TWSG1: variants seen among roughly 807,000 people sequenced by gnomAD.
TWSG1 encodes twisted gastrulation protein homolog 1.
A neutral mutation model predicts 23.0 loss-of-function variants in TWSG1; 15 were observed. That is an observed-to-expected ratio of 0.65 (90% CI 0.44 to 1.00). The LOEUF (loss-of-function observed/expected upper bound fraction) is 1.00, where lower values mean the gene tolerates loss of function less well. Among genes scored for constraint, TWSG1 ranks in the 50% least tolerant of loss-of-function variants. TWSG1 has a pLI of 0.00. For missense variants in TWSG1, 242 were observed against 278.7 expected, an observed-to-expected ratio of 0.87 and a Z score of 0.94; for synonymous variants, 86 against 92.8, an observed-to-expected ratio of 0.93 and a Z score of 0.42.
intron 3 of TWSG1, among the ~76,000 whole-genome samples, chr18:9,389,484 T>C (rs2040701301): frequency 2.0e-5 from 3 of 152,238 alleles, no homozygotes; most frequent in Admixed American, 2.0e-4. Context: ...GTCATTTGAC[T>C]TATCTGCACC....
intron 2 of TWSG1, among the ~76,000 whole-genome samples, chr18:9,340,708 G>T (rs969970492): frequency 3.3e-5 from 5 of 152,144 alleles, no homozygotes; most frequent in African/African-American, 1.2e-4. Context: ...AAGGTGGTGG[G>T]GGTGGAATTA....
At chr18:9,389,946 T>C (rs752641691) in intron 3 of TWSG1, among the ~76,000 whole-genome samples, 2 of 152,250 alleles carry the variant, frequency 1.3e-5, no homozygotes, top group Non-Finnish European at 2.9e-5. Context: ...TTTTACACTA[T>C]AGTGTAGTTT....
At chr18:9,388,592 T>C (rs1170846384) in intron 3 of TWSG1, among the ~76,000 whole-genome samples, 1 of 152,218 alleles carries the variant, frequency 6.6e-6, no homozygotes, top group Non-Finnish European at 1.5e-5. Context: ...GGACATCAGG[T>C]TTACTAGTTT....
intron 3 of TWSG1, among the ~76,000 whole-genome samples, chr18:9,392,538 A>G (rs1403704249): frequency 1.3e-5 from 2 of 152,216 alleles, no homozygotes; most frequent in Non-Finnish European, 2.9e-5. Context: ...CCATATCAGC[A>G]ATAAGGCTGT....
chr18:9,371,574 C>T (rs866272496), intron 3 of TWSG1, among the ~76,000 whole-genome samples: 13 of 152,080 alleles, frequency 8.5e-5, no homozygotes, highest in Middle Eastern at 3.4e-3. Flanking sequence ...GGATTACAGG[C>T]GTGAGCCACT....
chr18:9,354,975 A>G (rs1037074811), intron 2 of TWSG1, among the ~76,000 whole-genome samples: 1 of 149,848 alleles, frequency 6.7e-6, no homozygotes, highest in African/African-American at 2.5e-5. Flanking sequence ...TTTTTTTTTG[A>G]GACAGAGTCT....
chr18:9,365,170 T>A (rs1031494333), intron 3 of TWSG1, among the ~76,000 whole-genome samples: 1 of 151,200 alleles, frequency 6.6e-6, no homozygotes, highest in African/African-American at 2.4e-5. Flanking sequence ...AAAATAAAAA[T>A]TAATTAGTTG....
At chr18:9,381,048 G>A (rs2040653484) in intron 3 of TWSG1, among the ~76,000 whole-genome samples, 1 of 152,108 alleles carries the variant, frequency 6.6e-6, no homozygotes, top group South Asian at 2.1e-4. Flanking sequence ...TGTTGATTTG[G>A]TTCTTTTAAA....
intron 3 of TWSG1, among the ~76,000 whole-genome samples, chr18:9,364,690 A>T (rs190714189): frequency 3.9e-5 from 6 of 152,194 alleles, no homozygotes; most frequent in African/African-American, 1.4e-4. Context: ...GCGACAAGGG[A>T]GGCTGAGGCA....
At chr18:9,379,071 G>A (rs1598831544) in intron 3 of TWSG1, among the ~76,000 whole-genome samples, 1 of 152,316 alleles carries the variant, frequency 6.6e-6, no homozygotes, top group African/African-American at 2.4e-5. Context: ...CATACTGCTG[G>A]TGGGAGTGTA....
chr18:9,375,511 A>G (rs2145620391), intron 3 of TWSG1, among the ~76,000 whole-genome samples: 1 of 152,352 alleles, frequency 6.6e-6, no homozygotes, highest in Non-Finnish European at 1.5e-5. Context: ...AGGAAAGGAA[A>G]TAAAAGGTGT....
intron 2 of TWSG1, among the ~76,000 whole-genome samples, chr18:9,342,985 A>T (rs953527565): frequency 6.6e-6 from 1 of 152,088 alleles, no homozygotes; most frequent in Non-Finnish European, 1.5e-5. Flanking sequence ...ATAGCATTCC[A>T]TATTGCCAAT....
At chr18:9,397,792 G>A (rs1281100938) in intron 4 of TWSG1, among the ~76,000 whole-genome samples, 1 of 152,102 alleles carries the variant, frequency 6.6e-6, no homozygotes, top group Non-Finnish European at 1.5e-5. Context: ...CATCACCTGA[G>A]GTCGGGAGTT....
intron 3 of TWSG1, 79 bp downstream of exon 3, chr18:9,360,150 A>G: frequency 1.8e-6 from 2 of 1,095,654 alleles, no homozygotes; most frequent in South Asian, 2.7e-5. Flanking sequence ...AGGAATATAA[A>G]TGTAGTTTAT....
chr18:9,364,153 T>C (rs1424429782), intron 3 of TWSG1, among the ~76,000 whole-genome samples: 1 of 152,232 alleles, frequency 6.6e-6, no homozygotes, highest in African/African-American at 2.4e-5. Flanking sequence ...AATAAACTAG[T>C]CAGTCATGAT....
intron 2 of TWSG1, among the ~76,000 whole-genome samples, chr18:9,351,607 A>G (rs566754329): frequency 6.8e-6 from 1 of 146,522 alleles, no homozygotes; most frequent in African/African-American, 2.5e-5. Flanking sequence ...AAGAAACCCC[A>G]GTGTACCATG....
At chr18:9,378,786 C>T (rs2040642742) in intron 3 of TWSG1, among the ~76,000 whole-genome samples, 1 of 150,698 alleles carries the variant, frequency 6.6e-6, no homozygotes, top group Non-Finnish European at 1.5e-5. Flanking sequence ...GCCTGGGCAA[C>T]TTAACGAAAT....
chr18:9,386,489 A>C (rs1487433386), intron 3 of TWSG1, among the ~76,000 whole-genome samples: 2 of 149,958 alleles, frequency 1.3e-5, no homozygotes, highest in Admixed American at 1.3e-4. Context: ...AAATAATAAG[A>C]GAGTCTGAAA....
At chr18:9,335,373 A>T (rs1043859359) in intron 1 of TWSG1, among the ~76,000 whole-genome samples, 4 of 152,230 alleles carry the variant, frequency 2.6e-5, no homozygotes, top group Non-Finnish European at 5.9e-5. Flanking sequence ...AACAATTTTG[A>T]TGCATGATGG....
Sources: allele counts gnomAD v4.1 joint callset (sites outside exome capture counted in the v4.1 genomes callset), GRCh38; gene constraint gnomAD v4.1.1; transcripts MANE v1.5; gene names NCBI Gene and HGNC (gene_info 2026-07-23, HGNC 2026-07-21).